Variants in TAS2R1 observed in about 807,000 individuals in gnomAD.
TAS2R1 encodes taste receptor type 2 member 1.
For missense variants in TAS2R1, 370 were observed against 353.4 expected (o/e 1.05, Z -0.38); for synonymous variants, 141 against 134.2 (o/e 1.05, Z -0.35).
chr5:9,862,018 G>C, the TAS2R1 span, among the ~76,000 whole-genome samples: 1 of 152,154 alleles, frequency 6.6e-6, no homozygotes, highest in Non-Finnish European at 1.5e-5. Context: ...AAATCAAACC[G>C]AGAACTGCTG....
chr5:9,804,226 C>A, the TAS2R1 span, among the ~76,000 whole-genome samples: 2 of 152,230 alleles, frequency 1.3e-5, no homozygotes, highest in African/African-American at 4.8e-5. Flanking sequence ...AACACTGGAG[C>A]TCCCAAATTT....
the TAS2R1 span, among the ~76,000 whole-genome samples, chr5:9,737,523 C>T: frequency 1.3e-5 from 2 of 152,296 alleles, no homozygotes; most frequent in African/African-American, 2.4e-5. Flanking sequence ...ACCACCGACT[C>T]TCTGTCTTCC....
the TAS2R1 span, among the ~76,000 whole-genome samples, chr5:9,796,789 A>G: frequency 6.6e-6 from 1 of 151,980 alleles, no homozygotes; most frequent in Non-Finnish European, 1.5e-5. Flanking sequence ...CACCACACCA[A>G]TTCCTTGATA....
chr5:9,790,713 C>G, the TAS2R1 span, among the ~76,000 whole-genome samples: 1 of 152,160 alleles, frequency 6.6e-6, no homozygotes, highest in Non-Finnish European at 1.5e-5. Flanking sequence ...ATTGCAACCT[C>G]CGCCTCCCAG....
At chr5:9,794,637 C>A in the TAS2R1 span, among the ~76,000 whole-genome samples, 2 of 152,074 alleles carry the variant, frequency 1.3e-5, no homozygotes, top group Non-Finnish European at 2.9e-5. Context: ...TAAACAATTA[C>A]CCTAAGTAAA....
chr5:9,686,442 A>T (rs1741125932), intron 1 of TAS2R1, among the ~76,000 whole-genome samples: 1 of 152,102 alleles, frequency 6.6e-6, no homozygotes, highest in Non-Finnish European at 1.5e-5. Flanking sequence ...CCCATGGCGA[A>T]CTCCTTCTTA....
the TAS2R1 span, among the ~76,000 whole-genome samples, chr5:9,885,929 T>C: frequency 1.3e-5 from 2 of 152,140 alleles, no homozygotes; most frequent in Non-Finnish European, 2.9e-5. Context: ...ATAAAATTAT[T>C]AGCACCATCA....
the TAS2R1 span, among the ~76,000 whole-genome samples, chr5:9,726,431 C>G: frequency 3.9e-5 from 6 of 152,166 alleles, no homozygotes; most frequent in African/African-American, 1.2e-4. Flanking sequence ...GTTGTCCGAG[C>G]CAGCAGTGGC....
At chr5:9,802,857 C>T in the TAS2R1 span, among the ~76,000 whole-genome samples, 3 of 152,154 alleles carry the variant, frequency 2.0e-5, no homozygotes, top group East Asian at 1.9e-4. Context: ...GAGCCGAGAT[C>T]GCGCCACTGC....
At position 9,629,778 on chromosome 5, in the gene TAS2R1, G is replaced by C. The variant is rs1165832837; in HGVS notation, c.255C>G (p.Leu85=). ...FIMCSANCAI[L]LFINELELWL... ...AAAGTTCCAATTCATTTATAAATAA[G>C]AGAATTGCACAATTCGCAGAACACA... is the stretch of plus-strand genomic sequence containing the variant. Residue 85 remains leucine (L), a synonymous_variant, in exon 1 of 1, where the codon CTC becomes CTG. Coordinates refer to ENST00000382492, the MANE Select transcript of TAS2R1 (RefSeq NM_019599.3). 1 of 1,613,658 alleles carries C rather than the reference G, an allele frequency of 6.2e-7. No homozygotes were observed. Among genetic ancestry groups the C allele is most frequent in the Non-Finnish European group, 8.5e-7 (1 of 1,179,882 alleles).
intron 1 of TAS2R1, among the ~76,000 whole-genome samples, chr5:9,676,731 T>C (rs1740884626): frequency 6.6e-6 from 1 of 152,132 alleles, no homozygotes; most frequent in Non-Finnish European, 1.5e-5. Flanking sequence ...CAAAATGTAA[T>C]CCATAAGAGA....
the TAS2R1 span, among the ~76,000 whole-genome samples, chr5:9,782,554 A>G: frequency 6.6e-6 from 1 of 152,056 alleles, no homozygotes; most frequent in African/African-American, 2.4e-5. Context: ...TCAAAGCAAG[A>G]CCCCTTTGCA....
At chr5:9,793,198 C>T in the TAS2R1 span, among the ~76,000 whole-genome samples, 43 of 152,008 alleles carry the variant, frequency 2.8e-4, no homozygotes, top group African/African-American at 9.4e-4. Flanking sequence ...TCTTTGTGGG[C>T]TTTTTGTTCC....
At chr5:9,687,046 C>T (rs528877407) in intron 1 of TAS2R1, among the ~76,000 whole-genome samples, 2 of 152,248 alleles carry the variant, frequency 1.3e-5, no homozygotes, top group African/African-American at 4.8e-5. Flanking sequence ...CTCACTGCAA[C>T]CTCCGCCTCC....
chr5:9,710,934 ATATAT>A (rs1283975563), intron 1 of TAS2R1, among the ~76,000 whole-genome samples: 3 of 144,826 alleles, frequency 2.1e-5, no homozygotes, highest in African/African-American at 5.1e-5. Context: ...TATATATATA[ATATAT>A]TATATATAAT....
the TAS2R1 span, among the ~76,000 whole-genome samples, chr5:9,808,241 A>G: frequency 6.6e-6 from 1 of 152,198 alleles, no homozygotes; most frequent in African/African-American, 2.4e-5. Context: ...TGATGAAGTC[A>G]CAGATGAAAA....
At chr5:9,857,071 T>C in the TAS2R1 span, among the ~76,000 whole-genome samples, 2 of 152,170 alleles carry the variant, frequency 1.3e-5, no homozygotes, top group Non-Finnish European at 2.9e-5. Context: ...GATTCATATA[T>C]ATTAATACAG....
chr5:9,709,048 G>A (rs1450605688), intron 1 of TAS2R1, among the ~76,000 whole-genome samples: 1 of 152,128 alleles, frequency 6.6e-6, no homozygotes, highest in Non-Finnish European at 1.5e-5. Flanking sequence ...CATGGAGGGA[G>A]AGCATTAGGA....
the TAS2R1 span, among the ~76,000 whole-genome samples, chr5:9,727,672 G>A: frequency 6.6e-6 from 1 of 152,196 alleles, no homozygotes. Context: ...CCTCAGAGGT[G>A]CTGACAAGGA....
Sources: allele counts gnomAD v4.1 joint callset (sites outside exome capture counted in the v4.1 genomes callset), GRCh38; gene constraint gnomAD v4.1.1; transcripts MANE v1.5; gene names NCBI Gene and HGNC (gene_info 2026-07-23, HGNC 2026-07-21).